Variants in MINAR2 observed in about 807,000 individuals in gnomAD.
The protein encoded by MINAR2 is major intrinsically disordered NOTCH2-binding receptor 1-like.
MINAR2 carries 21 observed loss-of-function variants against 16.1 expected under a neutral mutation model. The ratio of observed to expected loss-of-function variants is 1.31; its 90% confidence interval spans 0.93 to 1.88. The LOEUF (loss-of-function observed/expected upper bound fraction) is 1.88, where lower values mean the gene tolerates loss of function less well. MINAR2 is among the 40% of genes most tolerant of loss of function. The pLI, the probability that MINAR2 is intolerant of heterozygous loss-of-function variation, is 0.00. For synonymous variants in MINAR2, 86 were observed against 83.0 expected (o/e 1.04, Z -0.20); for missense variants, 259 against 229.8 (o/e 1.13, Z -0.82).
intron 1 of MINAR2, among the ~76,000 whole-genome samples, chr5:129,758,249 A>G (rs779476192): frequency 1.3e-5 from 2 of 151,990 alleles, no homozygotes; most frequent in African/African-American, 2.4e-5. Flanking sequence ...TTTCTTGTGC[A>G]GTACAGTGAA....
At chr5:129,754,194 G>A (rs546473857) in intron 1 of MINAR2, among the ~76,000 whole-genome samples, 2 of 152,224 alleles carry the variant, frequency 1.3e-5, no homozygotes, top group African/African-American at 4.8e-5. Flanking sequence ...AGGACATAAG[G>A]TTTCAGAGAA....
chr5:129,759,487 A>T (rs959785431), intron 1 of MINAR2, among the ~76,000 whole-genome samples: 3 of 152,162 alleles, frequency 2.0e-5, no homozygotes, highest in Non-Finnish European at 2.9e-5. Flanking sequence ...GATATACTTA[A>T]GAAGGAAACA....
rs377016543 is a variant in MINAR2, at chr5:129,762,714, A to G, written c.393+2109A>G. 45 of 237,614 alleles carry G rather than the reference A, an allele frequency of 1.9e-4. No individual in the cohort carries two copies. The South Asian group carries it at 2.7e-3, about 14-fold the overall frequency. The allele number at this position is 237,614 out of a possible 1,614,324, so 14.7% of individuals were successfully genotyped here. A position where few individuals can be genotyped will look rare whatever the true frequency, so the allele number is the denominator to read the frequency against. ...TTAAGAATGGTTATTACTTTATACA[A>G]TAAAAAGAAGTTTTGTTTCACTGAA... On this transcript the variant is annotated intron_variant, in intron 2 of 2. Coordinates refer to ENST00000564719, the MANE Select transcript of MINAR2 (RefSeq NM_001257308.2).
chr5:129,757,065 AATATAT>A (rs58719695), intron 1 of MINAR2, among the ~76,000 whole-genome samples: 7 of 145,524 alleles, frequency 4.8e-5, no homozygotes, highest in East Asian at 4.0e-4. Context: ...TGTATCACCT[AATATAT>A]ATATATATAT....
At chr5:129,749,784 T>A (rs1757964075) in intron 1 of MINAR2, among the ~76,000 whole-genome samples, 1 of 152,218 alleles carries the variant, frequency 6.6e-6, no homozygotes, top group Admixed American at 6.5e-5. Flanking sequence ...AGTTGACCTA[T>A]TTCCTTCATG....
At chr5:129,758,548 G>T (rs2149546120) in intron 1 of MINAR2, among the ~76,000 whole-genome samples, 1 of 151,938 alleles carries the variant, frequency 6.6e-6, no homozygotes, top group East Asian at 1.9e-4. Context: ...TTACACATTA[G>T]ATTTTCTAAG....
In MINAR2 at chr5:129,766,563, G is replaced by A. The variant is rs1758216629; in HGVS notation, c.*1500G>A. 6.7e-6 allele frequency: 1 copy of A among 150,290 alleles called. No homozygotes were observed. The highest frequency in any genetic ancestry group is 1.5e-5 in the Non-Finnish European group (1 of 67,948). 9.3% of individuals were successfully genotyped at this position (150,290 alleles called of 1,614,324 possible). Reference sequence around the variant, plus strand: ...GAGGCAGGAGAATCTCTCGAACCCTGGAGGCAGAGGTTGCAGTGAGCCGAG... The same window carrying A: ...GAGGCAGGAGAATCTCTCGAACCCTAGAGGCAGAGGTTGCAGTGAGCCGAG... On this transcript the variant is annotated 3_prime_UTR_variant, in exon 3 of 3. Coordinates refer to ENST00000564719, the MANE Select transcript of MINAR2 (RefSeq NM_001257308.2).
intron 1 of MINAR2, among the ~76,000 whole-genome samples, chr5:129,751,937 A>G (rs1306347075): frequency 6.6e-6 from 1 of 152,210 alleles, no homozygotes; most frequent in Admixed American, 6.5e-5. Context: ...ACTTCTCAAA[A>G]GAAGACATTT....
In MINAR2 at chr5:129,765,713, G is replaced by A. The variant is rs1279852727; in HGVS notation, c.*650G>A. 6.6e-6 allele frequency: 1 copy of A among 152,098 alleles called. No individual in the cohort carries two copies. Among genetic ancestry groups the A allele is most frequent in the East Asian group, 1.9e-4 (1 of 5,182 alleles). 9.4% of individuals were successfully genotyped at this position (152,098 alleles called of 1,614,324 possible). A position where few individuals can be genotyped will look rare whatever the true frequency, so the allele number is the denominator to read the frequency against. On this transcript the variant is annotated 3_prime_UTR_variant, in exon 3 of 3. Coordinates refer to ENST00000564719, the MANE Select transcript of MINAR2 (RefSeq NM_001257308.2). Reference sequence around the variant, plus strand: ...TTGCAATTTTAATAGAATTAAACTTGGATAGGCCATAGTTACATAATTAAT... The same window carrying A: ...TTGCAATTTTAATAGAATTAAACTTAGATAGGCCATAGTTACATAATTAAT...
Position 129,766,532 on chromosome 5 carries a change from G to T in MINAR2, c.*1469G>T, listed in dbSNP as rs1283552100. 6.6e-6 allele frequency: 1 copy of T among 151,312 alleles called. No homozygotes were observed. The highest frequency in any genetic ancestry group is 2.4e-5 in the African/African-American group (1 of 41,066). 9.4% of individuals were successfully genotyped at this position (151,312 alleles called of 1,614,324 possible). Reference sequence around the variant, plus strand: ...GACACCTGTAGTCTCAGCTACTTGGGAGGCTGAGGCAGGAGAATCTCTCGA... The same window carrying T: ...GACACCTGTAGTCTCAGCTACTTGGTAGGCTGAGGCAGGAGAATCTCTCGA... On this transcript the variant is annotated 3_prime_UTR_variant, in exon 3 of 3. Transcript: ENST00000564719.
At chr5:129,750,338 A>C (rs1757971147) in intron 1 of MINAR2, among the ~76,000 whole-genome samples, 2 of 152,236 alleles carry the variant, frequency 1.3e-5, no homozygotes, top group Non-Finnish European at 2.9e-5. Context: ...ATATGCAGGT[A>C]CACTGAGGTG....
chr5:129,759,866 A>G lies in MINAR2; in HGVS notation c.166-512A>G, dbSNP rs530252080. The stretch of plus-strand genomic sequence containing the variant: ...CACACACATGCTAAATTACATGTAC[A>G]GTGCTAAGTTAGCTTAGACCTCAAA... On this transcript the variant is annotated intron_variant, in intron 1 of 2. Transcript: ENST00000564719. 2.0e-5 allele frequency among the ~76,000 whole-genome samples: 3 copies of G among 152,286 alleles called. No individual in the cohort carries two copies. In the East Asian group the frequency reaches 5.8e-4, roughly 29 times the overall value.
chr5:129,753,679 G>C (rs973639363), intron 1 of MINAR2, among the ~76,000 whole-genome samples: 1 of 151,944 alleles, frequency 6.6e-6, no homozygotes, highest in East Asian at 1.9e-4. Context: ...CTTGAACCGG[G>C]GAGGTGGAGA....
chr5:129,754,180 A>G (rs1336597943), intron 1 of MINAR2, among the ~76,000 whole-genome samples: 1 of 152,188 alleles, frequency 6.6e-6, no homozygotes, highest in Non-Finnish European at 1.5e-5. Flanking sequence ...CTGCAGGGAA[A>G]GGCAGGACAT....
chr5:129,760,252 A>T, intron 1 of MINAR2, 126 bp from the exon 2 acceptor site: 1 of 698,442 alleles, frequency 1.4e-6, no homozygotes, highest in Non-Finnish European at 2.4e-6. Flanking sequence ...TCCTTTTCTC[A>T]TTCATTGTCC....
intron 1 of MINAR2, among the ~76,000 whole-genome samples, chr5:129,753,345 G>A (rs1284329737): frequency 6.6e-6 from 1 of 151,702 alleles, no homozygotes; most frequent in African/African-American, 2.4e-5. Flanking sequence ...TTAGCCTCCC[G>A]TGGTGGCATG....
chr5:129,755,983 A>T (rs1353679036), intron 1 of MINAR2, among the ~76,000 whole-genome samples: 2 of 152,078 alleles, frequency 1.3e-5, no homozygotes, highest in Admixed American at 6.6e-5. Flanking sequence ...ACCATTTCAG[A>T]TCCAGCCAAC....
chr5:129,760,600 C>A lies in MINAR2; in HGVS notation c.388C>A (p.Leu130Met). The change falls in exon 2 of 3, where the codon CTG becomes ATG. Residue 130 changes from leucine (L) to methionine (M), a missense_variant. Leu to Met is a conservative substitution (Grantham distance 15). Coordinates refer to ENST00000564719, the MANE Select transcript of MINAR2 (RefSeq NM_001257308.2). ...HSLHTNLSGH[L>M]KENPNDLRFW... ...CCTGCACACAAACCTCTCTGGACAT[C>A]TGAAGGTACTCACGACTAAGAGTCA... 6.5e-7 allele frequency: 1 copy of A among 1,533,708 alleles called. No homozygotes were observed.
chr5:129,759,895 G>C (rs1246317265), intron 1 of MINAR2, among the ~76,000 whole-genome samples: 4 of 152,114 alleles, frequency 2.6e-5, no homozygotes, highest in African/African-American at 7.2e-5. Context: ...CCTCAAAGCT[G>C]TCTGAAATGG....
Sources: allele counts gnomAD v4.1 joint callset (sites outside exome capture counted in the v4.1 genomes callset), GRCh38; gene constraint gnomAD v4.1.1; transcripts MANE v1.5; gene names NCBI Gene and HGNC (gene_info 2026-07-23, HGNC 2026-07-21).